Variants in DNAH9 observed in about 807,000 individuals in gnomAD.
DNAH9 encodes dynein axonemal heavy chain 9.
Under a neutral mutation model 471.6 loss-of-function variants are expected in DNAH9, and 345 were observed. That is an observed-to-expected ratio of 0.73 (90% CI 0.67 to 0.80). DNAH9 has a LOEUF of 0.80. Among genes scored for constraint, DNAH9 ranks in the 30% least tolerant of loss-of-function variants. The pLI is 0.00. For synonymous variants in DNAH9, 2,093 were observed against 2,123.6 expected (o/e 0.99, Z 0.40); for missense variants, 5,407 against 5,609.2 (o/e 0.96, Z 1.15).
intron 61 of DNAH9, among the ~76,000 whole-genome samples, chr17:11,906,323 C>T (rs1973594415): frequency 6.6e-6 from 1 of 152,116 alleles, no homozygotes. Flanking sequence ...TAATGATAGA[C>T]TGGATAAAGA....
At chr17:11,956,801 G>A (rs191021933) in intron 67 of DNAH9, among the ~76,000 whole-genome samples, 28 of 151,850 alleles carry the variant, frequency 1.8e-4, no homozygotes. Context: ...GAAATGTATA[G>A]CATGAGATGC....
At chr17:11,841,965 T>C (rs530114528) in intron 49 of DNAH9, among the ~76,000 whole-genome samples, 37 of 152,230 alleles carry the variant, frequency 2.4e-4, no homozygotes, top group Admixed American at 3.9e-4. Flanking sequence ...TTCCTTCTTT[T>C]TATTTCCTTC....
intron 19 of DNAH9, among the ~76,000 whole-genome samples, chr17:11,683,619 A>G (rs2074178417): frequency 6.6e-6 from 1 of 152,112 alleles, no homozygotes; most frequent in Non-Finnish European, 1.5e-5. Context: ...TTCCTCCTTC[A>G]TGGGTATATT....
chr17:11,650,085 C>T (rs1195452615), intron 12 of DNAH9, among the ~76,000 whole-genome samples: 1 of 152,144 alleles, frequency 6.6e-6, no homozygotes, highest in Non-Finnish European at 1.5e-5. Flanking sequence ...TCACTTTTTA[C>T]AGTTAAATTA....
At chr17:11,711,501 TCAGTCTATC>T (rs1218813077) in intron 26 of DNAH9, among the ~76,000 whole-genome samples, 4 of 152,130 alleles carry the variant, frequency 2.6e-5, no homozygotes, top group Admixed American at 6.6e-5. Context: ...TTCTGTTCCA[TCAGTCTATC>T]AGTCCCTCTC....
chr17:11,629,245 C>A (rs978999001), intron 6 of DNAH9, among the ~76,000 whole-genome samples, 172 bp from the exon 7 acceptor site: 9 of 151,868 alleles, frequency 5.9e-5, no homozygotes, highest in African/African-American at 1.7e-4. Flanking sequence ...CTATCCCTCC[C>A]CCATCCCCCC....
At chr17:11,849,566 T>C (rs1597730640) in intron 49 of DNAH9, among the ~76,000 whole-genome samples, 1 of 152,178 alleles carries the variant, frequency 6.6e-6, no homozygotes, top group East Asian at 1.9e-4. Flanking sequence ...GCCTTTACAC[T>C]TGCTTGCTCA....
At chr17:11,732,646 C>CAA (rs34511036) in intron 28 of DNAH9, among the ~76,000 whole-genome samples, 10,820 of 151,432 alleles carry the variant, frequency 0.071, 477 homozygotes, top group East Asian at 0.15. Context: ...GTGTCAATTC[C>CAA]AAAAAAAAAT....
rs759458594 is a variant in DNAH9, at chr17:11,598,569, G to T, written c.71G>T (p.Arg24Leu). 2.8e-6 allele frequency: 4 copies of T among 1,406,122 alleles called. No homozygotes were observed. In the South Asian group the frequency reaches 6.1e-5, roughly 22 times the overall value. The allele number at this position is 1,406,122 out of a possible 1,614,324, so 87.1% of individuals were successfully genotyped here. Residue 24 changes from arginine (R) to leucine (L), a missense_variant, in exon 1 of 69, where the codon CGA becomes CTA. By Grantham distance (102) the Arg-to-Leu change is moderately radical. Around this residue, in one of 3 missense-constraint regions of DNAH9, gnomAD observed 767 missense variants for 692.5 expected, o/e 1.11. Coordinates refer to ENST00000262442, the MANE Select transcript of DNAH9 (RefSeq NM_001372.4). The part of the protein sequence containing the change: ...NADGEPGADR[R>L]LRLLGTYVAM... ...GATGGGGAACCCGGCGCCGACCGAC[G>T]ACTGCGACTCCTGGGGACCTACGTG...
At chr17:11,887,200 A>C (rs2151000759) in intron 57 of DNAH9, among the ~76,000 whole-genome samples, 1 of 152,294 alleles carries the variant, frequency 6.6e-6, no homozygotes, top group African/African-American at 2.4e-5. Flanking sequence ...ACACCACAGC[A>C]AGTCTTGGCT....
chr17:11,769,995 A>G (rs2150878949), intron 38 of DNAH9, among the ~76,000 whole-genome samples: 1 of 152,352 alleles, frequency 6.6e-6, no homozygotes, highest in East Asian at 1.9e-4. Context: ...CATTCTTCCA[A>G]CAAAATGAGG....
At chr17:11,731,194 GTTA>G (rs950089460) in intron 28 of DNAH9, among the ~76,000 whole-genome samples, 16 of 151,440 alleles carry the variant, frequency 1.1e-4, no homozygotes, top group African/African-American at 3.9e-4. Flanking sequence ...GATGATGGTG[GTTA>G]TTATGGTGAG....
In DNAH9 at chr17:11,669,076, G is replaced by T; in HGVS notation, c.2744G>T (p.Gly915Val). The change falls in exon 16 of 69, where the codon GGA (glycine) becomes GTA (valine). Residue 915 changes from glycine (G) to valine (V), a missense_variant. Coordinates refer to ENST00000262442, the MANE Select transcript of DNAH9 (RefSeq NM_001372.4). ...YLLENTECKA[G>V]LTPIFEAQLS... Reference sequence around the variant, plus strand: ...CTGTGTTTTTCAGAGTGTAAGGCAGGACTTACCCCAATATTTGAAGCACAA... The same window carrying T: ...CTGTGTTTTTCAGAGTGTAAGGCAGTACTTACCCCAATATTTGAAGCACAA... 6.2e-7 allele frequency: 1 copy of T among 1,612,336 alleles called. No individual in the cohort carries two copies. Among genetic ancestry groups the T allele is most frequent in the Non-Finnish European group, 8.5e-7 (1 of 1,178,786 alleles).
rs117853443 is a variant in DNAH9, at chr17:11,734,809, G to A, written c.5815-4071G>A. On this transcript the variant is annotated intron_variant, in intron 28 of 68. Coordinates refer to ENST00000262442, the MANE Select transcript of DNAH9 (RefSeq NM_001372.4). ...AAATTTCTATGAGCACCGATGCTCC[G>A]AAGTTATCTACATCTTTGAGTCTGT... 7.8e-4 allele frequency among the ~76,000 whole-genome samples: 119 copies of A among 152,302 alleles called. 1 individual carries two copies. Among genetic ancestry groups the A allele is most frequent in the African/African-American group, 2.6e-3 (106 of 41,556 alleles).
intron 15 of DNAH9, among the ~76,000 whole-genome samples, chr17:11,667,424 G>C (rs2073891325): frequency 6.6e-6 from 1 of 152,130 alleles, no homozygotes. Context: ...GTTCCCTTAA[G>C]TTAAATATTG....
rs1424463232 is a variant in DNAH9, at chr17:11,821,923, A to G, written c.8711A>G (p.Glu2904Gly). ...VLINDLLASG[E>G]IPDLYSDDEV... is the part of the protein sequence containing the mutation. ...TCTGTGCTCCATTTTTTCCCAGGGG[A>G]GATCCCAGATCTCTACTCTGATGAT... The change falls in exon 46 of 69, where the codon GAG becomes GGG. Residue 2904 changes from glutamate to glycine, a missense_variant. Glu to Gly is a moderately conservative substitution (Grantham distance 98). Transcript: ENST00000262442. 60 of 1,606,500 alleles carry G rather than the reference A, an allele frequency of 3.7e-5. No homozygotes were observed. Among genetic ancestry groups the G allele is most frequent in the Non-Finnish European group, 5.0e-5 (59 of 1,177,920 alleles).
chr17:11,694,567 C>T (rs2150759501), intron 22 of DNAH9, 120 bp downstream of exon 22: 1 of 1,002,136 alleles, frequency 1.0e-6, no homozygotes, highest in Non-Finnish European at 1.5e-6. Flanking sequence ...TCAGACCTGT[C>T]TGTGTTGCCC....
At chr17:11,661,429 T>C (rs934032959) in intron 14 of DNAH9, among the ~76,000 whole-genome samples, 2 of 152,162 alleles carry the variant, frequency 1.3e-5, no homozygotes, top group African/African-American at 2.4e-5. Context: ...AATGTAAGCA[T>C]TTGTATGGTT....
intron 12 of DNAH9, among the ~76,000 whole-genome samples, chr17:11,648,720 C>G (rs1311851349): frequency 6.6e-6 from 1 of 151,948 alleles, no homozygotes; most frequent in Non-Finnish European, 1.5e-5. Context: ...ATATTAATAC[C>G]TAAACTATAA....
Sources: allele counts gnomAD v4.1 joint callset (sites outside exome capture counted in the v4.1 genomes callset), GRCh38; gene constraint gnomAD v4.1.1; regional missense constraint gnomAD v4.1.1; transcripts MANE v1.5; gene names NCBI Gene and HGNC (gene_info 2026-07-23, HGNC 2026-07-21).